The following ZNF66 variants were observed in gnomAD, a reference collection of about 807,000 sequenced individuals.
ZNF66 encodes the protein zinc finger protein 66, also known as putative zinc finger protein 66.
A neutral mutation model predicts 35.2 loss-of-function variants in ZNF66; 32 were observed. That is an observed-to-expected ratio of 0.91 (90% CI 0.69 to 1.22). ZNF66 has a LOEUF of 1.22. ZNF66 is among the 50% of genes most tolerant of loss of function. ZNF66 has a pLI of 0.00. For synonymous variants in ZNF66, 231 were observed against 181.3 expected (o/e 1.27, Z -2.20); for missense variants, 666 against 543.1 (o/e 1.23, Z -2.25).
At position 20,806,108 on chromosome 19, in the gene ZNF66, A is replaced by T; in HGVS notation, c.508A>T (p.Lys170Ter). The T allele has an allele frequency of 1.0e-6, 1 of 974,978 alleles. No homozygotes were observed. The highest frequency in any genetic ancestry group is 1.6e-6 in the Non-Finnish European group (1 of 606,828). 60.4% of individuals were successfully genotyped at this position (974,978 alleles called of 1,614,324 possible). A position where few individuals can be genotyped will look rare whatever the true frequency, so the allele number is the denominator to read the frequency against. Residue 170 changes from lysine to a stop codon, truncating the protein, a stop_gained, in exon 4 of 4, where the codon AAA (lysine) becomes TAA (stop). Coordinates refer to ENST00000344519, the MANE Select transcript of ZNF66 (RefSeq NM_001355197.2). LOFTEE classifies it high-confidence loss of function. ...TNRHKIRHTG[K>*]NPCKFTECGK... ...CAGACATAAGATAAGACATACTGGA[A>T]AAAACCCTTGCAAATTTACAGAATG... is the stretch of plus-strand genomic sequence containing the variant.
intron 1 of ZNF66, among the ~76,000 whole-genome samples, chr19:20,787,746 T>C (rs902485693): frequency 2.0e-5 from 3 of 152,230 alleles, no homozygotes; most frequent in African/African-American, 7.2e-5. Context: ...AGAGCCATGA[T>C]CACAATTATA....
intron 3 of ZNF66, among the ~76,000 whole-genome samples, chr19:20,799,587 G>A (rs428385): frequency 0.093 from 14,158 of 151,958 alleles, 671 homozygotes; most frequent in Middle Eastern, 0.11. Context: ...TTATTTTTAT[G>A]TCTAAGTATT....
At chr19:20,776,496 G>A in intron 1 of ZNF66, 46 bp downstream of exon 1, 2 of 1,519,884 alleles carry the variant, frequency 1.3e-6, no homozygotes, top group Non-Finnish European at 1.8e-6. Context: ...AGTGTCTGTG[G>A]CGGGACTCAG....
intron 1 of ZNF66, among the ~76,000 whole-genome samples, chr19:20,781,697 G>A (rs11669935): frequency 0.093 from 14,123 of 151,776 alleles, 670 homozygotes; most frequent in Middle Eastern, 0.11. Flanking sequence ...TAATAGAGAT[G>A]GAGTTTCTCC....
chr19:20,794,052 A>G, intron 3 of ZNF66, 174 bp downstream of exon 3: 1 of 568,768 alleles, frequency 1.8e-6, no homozygotes, highest in South Asian at 2.3e-5. Flanking sequence ...GCTGTCACAA[A>G]GGGGCATATT....
intron 1 of ZNF66, among the ~76,000 whole-genome samples, chr19:20,778,740 G>T (rs1313154690): frequency 6.7e-6 from 1 of 148,596 alleles, no homozygotes; most frequent in Non-Finnish European, 1.5e-5. Flanking sequence ...CCGAGATCAT[G>T]CCACTGAACT....
At position 20,776,584 on chromosome 19, in the gene ZNF66, A is replaced by C; in HGVS notation, c.3+134A>C. 3 of 1,251,744 alleles carry C rather than the reference A, an allele frequency of 2.4e-6. No individual in the cohort carries two copies. In the South Asian group the frequency reaches 3.8e-5, roughly 16 times the overall value. 77.5% of individuals were successfully genotyped at this position (1,251,744 alleles called of 1,614,324 possible). ...TCTGCCTCAGTCCCATTCAGCCATAAGATGGCGGCTACGCTGACAGCCTGG... is the reference window on the plus strand; with the variant it reads ...TCTGCCTCAGTCCCATTCAGCCATACGATGGCGGCTACGCTGACAGCCTGG... On this transcript the variant is annotated intron_variant, in intron 1 of 3. Coordinates refer to ENST00000344519, the MANE Select transcript of ZNF66 (RefSeq NM_001355197.2).
rs1384410442 is a variant in ZNF66 at position 20,807,592 on chromosome 19, T to C, written c.*270T>C. Reference sequence around the variant, plus strand: ...AATTTTCAATCAATTCTTTTTTTTTTTTTTTGAGATGAAGTTTCATGCTTG... The same window carrying C: ...AATTTTCAATCAATTCTTTTTTTTTCTTTTTGAGATGAAGTTTCATGCTTG... On this transcript the variant is annotated 3_prime_UTR_variant, in exon 4 of 4. Transcript: ENST00000344519. 6.6e-6 allele frequency among the ~76,000 whole-genome samples: 1 copy of C among 152,114 alleles called. No homozygotes were observed. The highest frequency in any genetic ancestry group is 1.5e-5 in the Non-Finnish European group (1 of 68,004).
intron 2 of ZNF66, among the ~76,000 whole-genome samples, chr19:20,793,332 C>CTTTTTTTTT (rs781748526): frequency 2.6e-4 from 22 of 84,614 alleles, no homozygotes; most frequent in East Asian, 1.1e-3. Flanking sequence ...CTTTTCTTTT[C>CTTTTTTTTT]TTTTTTTTTT....
At chr19:20,776,997 C>A (rs1449560814) in intron 1 of ZNF66, among the ~76,000 whole-genome samples, 2 of 151,660 alleles carry the variant, frequency 1.3e-5, no homozygotes, top group African/African-American at 4.8e-5. Context: ...TGTCTGTAGT[C>A]CCAGCTTCTC....
Position 20,800,398 on chromosome 19 carries a change from G to A in ZNF66, c.227-5429G>A, listed in dbSNP as rs148483177. Among the ~76,000 whole-genome samples, 221 of 152,276 alleles carry A rather than the reference G, an allele frequency of 1.5e-3. 2 individuals carry two copies. The highest frequency in any genetic ancestry group is 0.01 in the Middle Eastern group (3 of 294). On this transcript the variant is annotated intron_variant, in intron 3 of 3. Coordinates refer to ENST00000344519, the MANE Select transcript of ZNF66 (RefSeq NM_001355197.2). ...GTGTATTATCTTGGTTTTGATGGGA[G>A]AGTATTTTATGTATCTATGAAGCCT...
In ZNF66 at chr19:20,793,809, A is replaced by G. The variant is rs573894729; in HGVS notation, c.157A>G (p.Ile53Val). ...LGIVVSKPDL[I>V]THLEQGKKPS... ...TATTGTTGTCTCAAAGCCAGACCTC[A>G]TCACCCATCTGGAGCAAGGAAAAAA... The change falls in exon 3 of 4, where the codon ATC becomes GTC. Residue 53 changes from isoleucine to valine, a missense_variant. Physicochemically the swap from Ile to Val is conservative, Grantham distance 29 (BLOSUM62 3). Coordinates refer to ENST00000344519, the MANE Select transcript of ZNF66 (RefSeq NM_001355197.2). 1,063 of 1,092,446 alleles carry G rather than the reference A, an allele frequency of 9.7e-4. No homozygotes were observed. Among genetic ancestry groups the G allele is most frequent in the Non-Finnish European group, 1.2e-3 (955 of 768,262 alleles). The allele number at this position is 1,092,446 out of a possible 1,614,324, so 67.7% of individuals were successfully genotyped here. A position where few individuals can be genotyped will look rare whatever the true frequency, so the allele number is the denominator to read the frequency against.
In ZNF66 at chr19:20,808,210, G is replaced by A. The variant is rs1599558473; in HGVS notation, c.*888G>A. 6.6e-6 allele frequency among the ~76,000 whole-genome samples: 1 copy of A among 152,234 alleles called. No homozygotes were observed. The highest frequency in any genetic ancestry group is 2.4e-5 in the African/African-American group (1 of 41,470). On this transcript the variant is annotated 3_prime_UTR_variant, in exon 4 of 4. Coordinates refer to ENST00000344519, the MANE Select transcript of ZNF66 (RefSeq NM_001355197.2). Reference sequence around the variant, plus strand: ...CTTAGGTAAAGCAGCTGGGAAGCTAGAACTGGGTGGAGCCCACCACAGCTC... The same window carrying A: ...CTTAGGTAAAGCAGCTGGGAAGCTAAAACTGGGTGGAGCCCACCACAGCTC...
chr19:20,795,940 A>G (rs1350074917), intron 3 of ZNF66, among the ~76,000 whole-genome samples: 3 of 152,172 alleles, frequency 2.0e-5, no homozygotes, highest in Non-Finnish European at 4.4e-5. Flanking sequence ...AGCCATGAGT[A>G]GGGGTCCTGC....
intron 1 of ZNF66, 159 bp downstream of exon 1, chr19:20,776,609 G>C (rs984201319): frequency 2.8e-6 from 3 of 1,077,290 alleles, no homozygotes; most frequent in African/African-American, 1.6e-5. Context: ...TGACAGCCTG[G>C]CCCCCGGGCG....
intron 1 of ZNF66, among the ~76,000 whole-genome samples, chr19:20,790,394 T>A (rs1971325741): frequency 6.6e-6 from 1 of 152,138 alleles, no homozygotes; most frequent in South Asian, 2.1e-4. Context: ...ACCTTTGCAC[T>A]AAAGGGTGGT....
intron 3 of ZNF66, chr19:20,799,359 G>A (rs1453014345): frequency 1.3e-5 from 2 of 152,006 alleles, no homozygotes; most frequent in African/African-American, 2.4e-5. Flanking sequence ...ACTGCACCTG[G>A]CCTGTGTTAC....
chr19:20,776,718 G>T (rs894230274), intron 1 of ZNF66, among the ~76,000 whole-genome samples: 1 of 152,206 alleles, frequency 6.6e-6, no homozygotes, highest in Non-Finnish European at 1.5e-5. Context: ...ATTGTGCAGG[G>T]ACCACCGGAG....
intron 1 of ZNF66, among the ~76,000 whole-genome samples, chr19:20,777,259 T>TTC (rs1971204020): frequency 6.6e-6 from 1 of 151,986 alleles, no homozygotes; most frequent in South Asian, 2.1e-4. Context: ...AAAAGACATT[T>TTC]ATAAAATGCA....
Sources: gnomAD v4.1 joint callset for allele counts (sites outside exome capture counted in the v4.1 genomes callset) on GRCh38, gnomAD v4.1.1 for gene constraint, MANE v1.5 for transcripts, NCBI Gene and HGNC (gene_info 2026-07-23, HGNC 2026-07-21) for gene names.